Variants in RASGEF1A observed in about 807,000 individuals in gnomAD.
The protein encoded by RASGEF1A is RasGEF domain family member 1A, also known as ras-GEF domain-containing family member 1A.
Under a neutral mutation model 56.4 loss-of-function variants are expected in RASGEF1A, and 18 were observed. The ratio of observed to expected loss-of-function variants is 0.32; its 90% CI spans 0.22 to 0.47. RASGEF1A has a LOEUF of 0.47. RASGEF1A is among the 20% of genes least tolerant of loss of function. The pLI is 1.00. For synonymous variants in RASGEF1A, 245 were observed against 242.6 expected (o/e 1.01, Z -0.09); for missense variants, 422 against 627.1 (o/e 0.67, Z 3.49).
intron 1 of RASGEF1A, among the ~76,000 whole-genome samples, chr10:43,259,020 C>T (rs1836478620): frequency 6.6e-6 from 1 of 152,232 alleles, no homozygotes; most frequent in African/African-American, 2.4e-5. Flanking sequence ...CCATCTCTGG[C>T]CCATGCAGCC....
intron 1 of RASGEF1A, among the ~76,000 whole-genome samples, chr10:43,261,308 A>C (rs1170694490): frequency 6.6e-6 from 1 of 152,228 alleles, no homozygotes; most frequent in African/African-American, 2.4e-5. Flanking sequence ...GGTCAAGGTA[A>C]GCCCAGCTCC....
At chr10:43,226,269 C>A (rs1024179137) in intron 1 of RASGEF1A, among the ~76,000 whole-genome samples, 5 of 152,114 alleles carry the variant, frequency 3.3e-5, no homozygotes, top group African/African-American at 1.2e-4. Context: ...TAGAGAAACC[C>A]CGTCTCTACT....
At chr10:43,254,489 C>T (rs1840665090) in intron 1 of RASGEF1A, among the ~76,000 whole-genome samples, 1 of 152,224 alleles carries the variant, frequency 6.6e-6, no homozygotes, top group Non-Finnish European at 1.5e-5. Flanking sequence ...CCTGCCTGCC[C>T]TCTCCACCTC....
chr10:43,265,958 G>A (rs1474525386), intron 1 of RASGEF1A, among the ~76,000 whole-genome samples: 2 of 152,240 alleles, frequency 1.3e-5, no homozygotes, highest in South Asian at 2.1e-4. Context: ...GGAGAAGAGT[G>A]GCAGTGGTGG....
In RASGEF1A at chr10:43,196,899, C is replaced by A; in HGVS notation, c.1348+77G>T. ...GCAGCCAGCAGGCCATCTCCCAGGG[C>A]AACCCCAAAGAGCACCGGGCCTGGA... is the stretch of plus-strand genomic sequence containing the variant. On this transcript the variant is annotated intron_variant, in intron 11 of 12. Transcript: ENST00000395810. The surrounding 1 kb of genome is among the most constrained non-coding windows in gnomAD (Gnocchi z 4.6). The A allele has an allele frequency of 6.4e-7, 1 of 1,563,968 alleles. No individual in the cohort carries two copies. The highest frequency in any genetic ancestry group is 1.2e-5 in the South Asian group (1 of 84,598).
At chr10:43,200,926 T>A (rs1382088757) in intron 4 of RASGEF1A, 38 bp from the exon 5 acceptor site, 1 of 1,583,376 alleles carries the variant, frequency 6.3e-7, no homozygotes, top group Admixed American at 1.7e-5. Flanking sequence ...CAGCATGGGC[T>A]GGCAGCAAGG....
Position 43,229,683 on chromosome 10 carries a change from GC to G in RASGEF1A, c.-6-23562del, listed in dbSNP as rs761692857. 125 of 1,464,206 alleles carry G rather than the reference GC, an allele frequency of 8.5e-5. 2 individuals carry two copies. The South Asian group carries it at 1.5e-3, about 18-fold the overall frequency. 90.7% of individuals were successfully genotyped at this position (1,464,206 alleles called of 1,614,324 possible). A position where few individuals can be genotyped will look rare whatever the true frequency, so the allele number is the denominator to read the frequency against. ...GGCCGCCGGCTCCCCGCGCCGTCCT[GC>G]CCGGTCCGGCGTCCAGCGAGCGGCG... On this transcript the variant is annotated intron_variant, in intron 1 of 12. Transcript: ENST00000395810.
At chr10:43,250,087 A>C (rs1840609649) in intron 1 of RASGEF1A, among the ~76,000 whole-genome samples, 1 of 152,132 alleles carries the variant, frequency 6.6e-6, no homozygotes, top group Non-Finnish European at 1.5e-5. Flanking sequence ...TCTGAACTTC[A>C]GTTTCCACTT....
At position 43,195,471 on chromosome 10, in the gene RASGEF1A, T is replaced by G. The variant is rs1268318684; in HGVS notation, c.*773A>C. Reference sequence around the variant, plus strand: ...CATCACAGCTCAGTGTGTCTTTCAGTCACAGCCCAGAAAACTGACAACTCC... The same window carrying G: ...CATCACAGCTCAGTGTGTCTTTCAGGCACAGCCCAGAAAACTGACAACTCC... On this transcript the variant is annotated 3_prime_UTR_variant, in exon 13 of 13. Coordinates refer to ENST00000395810, the MANE Select transcript of RASGEF1A (RefSeq NM_145313.4). The surrounding 1 kb of genome is among the most constrained non-coding windows in gnomAD (Gnocchi z 4.2). 6.6e-6 allele frequency: 1 copy of G among 152,232 alleles called. No individual in the cohort carries two copies. Among genetic ancestry groups the G allele is most frequent in the Non-Finnish European group, 1.5e-5 (1 of 68,056 alleles). The allele number at this position is 152,232 out of a possible 1,614,324, so 9.4% of individuals were successfully genotyped here.
rs1303410043 is a variant in RASGEF1A at position 43,205,900 on chromosome 10, C to T, written c.198+19G>A. On this transcript the variant is annotated intron_variant, in intron 2 of 12. Coordinates refer to ENST00000395810, the MANE Select transcript of RASGEF1A (RefSeq NM_145313.4). ...AGGTCACCCCATTAGTCTCACTCCA[C>T]AAGGCCCCACGTACTCACATCGGGG... The T allele has an allele frequency of 6.2e-7, 1 of 1,600,276 alleles. No homozygotes were observed.
At chr10:43,244,250 G>A (rs994496551) in intron 1 of RASGEF1A, among the ~76,000 whole-genome samples, 4 of 138,486 alleles carry the variant, frequency 2.9e-5, no homozygotes, top group Admixed American at 2.1e-4. Context: ...AAACAGGGCC[G>A]AAGGCCGCAG....
chr10:43,200,344 A>C, intron 5 of RASGEF1A, 88 bp from the exon 6 acceptor site: 2 of 1,202,036 alleles, frequency 1.7e-6, no homozygotes, highest in East Asian at 2.5e-5. Flanking sequence ...GGAGAGGAGG[A>C]GCTGCCCAGG....
chr10:43,239,863 T>A (rs1218531180), intron 1 of RASGEF1A, among the ~76,000 whole-genome samples: 30 of 152,198 alleles, frequency 2.0e-4, no homozygotes, highest in Admixed American at 2.0e-3. Context: ...GTATTTAATT[T>A]CACAAATGCC....
intron 2 of RASGEF1A, 112 bp from the exon 3 acceptor site, chr10:43,203,532 C>T: frequency 7.1e-7 from 1 of 1,416,572 alleles, no homozygotes; most frequent in Non-Finnish European, 9.3e-7. Context: ...CCGCCGGTCC[C>T]GAGGCCATGC....
intron 10 of RASGEF1A, 88 bp from the exon 11 acceptor site, chr10:43,197,187 G>A: frequency 6.8e-7 from 1 of 1,478,686 alleles, no homozygotes; most frequent in Non-Finnish European, 9.2e-7. Flanking sequence ...TTTGGCCTCA[G>A]CCTCCTGCTC....
intron 1 of RASGEF1A, among the ~76,000 whole-genome samples, chr10:43,209,506 G>T (rs1468829027): frequency 6.6e-6 from 1 of 152,214 alleles, no homozygotes. Flanking sequence ...TCAGAGGTTT[G>T]CAGGGAAGAT....
At chr10:43,227,266 C>G (rs528411963) in intron 1 of RASGEF1A, among the ~76,000 whole-genome samples, 2 of 152,200 alleles carry the variant, frequency 1.3e-5, no homozygotes, top group East Asian at 3.9e-4. Flanking sequence ...AGACTCTCTC[C>G]CCCAGGCAGC....
chr10:43,253,249 C>G (rs979131312), intron 1 of RASGEF1A, among the ~76,000 whole-genome samples: 1 of 152,220 alleles, frequency 6.6e-6, no homozygotes, highest in Non-Finnish European at 1.5e-5. Context: ...CAAACTACCC[C>G]GTGTGTGGAT....
intron 1 of RASGEF1A, among the ~76,000 whole-genome samples, chr10:43,229,031 G>A (rs1840321329): frequency 1.3e-5 from 2 of 152,174 alleles, no homozygotes; most frequent in South Asian, 2.1e-4. Flanking sequence ...CATAAACAGC[G>A]TGGGAAATGC....
Sources: gnomAD v4.1 joint callset for allele counts (sites outside exome capture counted in the v4.1 genomes callset) on GRCh38, gnomAD v4.1.1 for gene constraint, Gnocchi (gnomAD v3.1) non-coding constraint, MANE v1.5 for transcripts, NCBI Gene and HGNC (gene_info 2026-07-23, HGNC 2026-07-21) for gene names.